AKAIN1: variants seen among roughly 807,000 people sequenced by gnomAD.
The protein encoded by AKAIN1 is A-kinase anchor protein inhibitor 1.
A neutral mutation model predicts 3.7 loss-of-function variants in AKAIN1; 3 were observed. The observed-to-expected ratio is 0.82, with a 90% CI of 0.37 to 2.12. The LOEUF is 2.12. AKAIN1 is among the 30% of genes most tolerant of loss of function. AKAIN1 has a pLI of 0.06. For missense variants in AKAIN1, 82 were observed against 82.7 expected, an observed-to-expected ratio of 0.99 and a Z score of 0.03; for synonymous variants, 31 against 30.8, an observed-to-expected ratio of 1.01 and a Z score of -0.02.
intron 1 of AKAIN1, chr18:5,163,757 A>T (rs893756365): frequency 6.6e-6 from 1 of 152,074 alleles, no homozygotes; most frequent in African/African-American, 2.4e-5. Flanking sequence ...AGTAAGAAAA[A>T]ATCAGAAGAT....
intron 1 of AKAIN1, among the ~76,000 whole-genome samples, chr18:5,168,908 G>T (rs528902234): frequency 3.4e-4 from 51 of 151,376 alleles, no homozygotes; most frequent in African/African-American, 1.2e-3. Flanking sequence ...CAACAAAAAG[G>T]GATGGGGGAG....
At chr18:5,182,538 C>A (rs983271179) in intron 1 of AKAIN1, among the ~76,000 whole-genome samples, 23 of 152,180 alleles carry the variant, frequency 1.5e-4, no homozygotes, top group African/African-American at 5.3e-4. Context: ...TGAACCCTGA[C>A]CTATGTGTCC....
intron 1 of AKAIN1, among the ~76,000 whole-genome samples, chr18:5,160,057 C>T (rs926987304): frequency 1.3e-5 from 2 of 152,144 alleles, no homozygotes; most frequent in African/African-American, 2.4e-5. Context: ...AATGATTCTA[C>T]CATTCTTGGC....
At chr18:5,155,365 A>T (rs1293030928) in intron 1 of AKAIN1, among the ~76,000 whole-genome samples, 2 of 152,130 alleles carry the variant, frequency 1.3e-5, no homozygotes. Flanking sequence ...AGAGGTATGA[A>T]TCTCAATTGC....
intron 1 of AKAIN1, among the ~76,000 whole-genome samples, chr18:5,158,292 T>C (rs565582978): frequency 5.3e-5 from 8 of 152,322 alleles, no homozygotes; most frequent in African/African-American, 1.9e-4. Flanking sequence ...GTTTTGCTGA[T>C]TCGCTGCAGT....
At chr18:5,148,725 C>T (rs747215523) in intron 1 of AKAIN1, among the ~76,000 whole-genome samples, 4 of 151,942 alleles carry the variant, frequency 2.6e-5, no homozygotes, top group African/African-American at 7.3e-5. Context: ...GGCGTGGTGG[C>T]GAGCACCTGT....
chr18:5,194,384 C>G (rs1485976904), intron 1 of AKAIN1, among the ~76,000 whole-genome samples: 1 of 152,096 alleles, frequency 6.6e-6, no homozygotes, highest in Non-Finnish European at 1.5e-5. Flanking sequence ...AATACCCTGT[C>G]CAATTTAAGC....
At chr18:5,187,122 TAAGTC>T (rs368187663) in intron 1 of AKAIN1, among the ~76,000 whole-genome samples, 68 of 152,090 alleles carry the variant, frequency 4.5e-4, no homozygotes, top group African/African-American at 1.6e-3. Context: ...AGTTTTGTCT[TAAGTC>T]AAGAAAAACA....
chr18:5,148,585 G>A (rs2071062388), intron 1 of AKAIN1, among the ~76,000 whole-genome samples: 6 of 152,230 alleles, frequency 3.9e-5, no homozygotes, highest in Admixed American at 3.9e-4. Flanking sequence ...GCCAGGTGCA[G>A]TGACTCACAG....
intron 1 of AKAIN1, among the ~76,000 whole-genome samples, chr18:5,189,993 G>A (rs372585347): frequency 1.0e-3 from 154 of 152,206 alleles, no homozygotes; most frequent in Non-Finnish European, 1.0e-3. Flanking sequence ...TGATTTATGC[G>A]GACAAGAAAT....
In AKAIN1 at chr18:5,144,531, A is replaced by G. The variant is rs538779594; in HGVS notation, c.*1031T>C. 6.6e-6 allele frequency among the ~76,000 whole-genome samples: 1 copy of G among 152,190 alleles called. No homozygotes were observed. The highest frequency in any genetic ancestry group is 2.4e-5 in the African/African-American group (1 of 41,444). On this transcript the variant is annotated 3_prime_UTR_variant, in exon 2 of 2. Coordinates refer to ENST00000434239, the MANE Select transcript of AKAIN1 (RefSeq NM_001145194.2). ...ATATCTCTGTCACTGCATTCAAAACACTGTCACTTTACTGTCCCCATTGTG... is the reference window on the plus strand; with the variant it reads ...ATATCTCTGTCACTGCATTCAAAACGCTGTCACTTTACTGTCCCCATTGTG...
At chr18:5,173,192 C>T (rs9959392) in intron 1 of AKAIN1, among the ~76,000 whole-genome samples, 78,948 of 151,984 alleles carry the variant, frequency 0.52, 20,780 homozygotes, top group African/African-American at 0.54. Context: ...TGCAAATTTC[C>T]TAGGGACTAA....
chr18:5,156,173 T>C (rs2071107030), intron 1 of AKAIN1, among the ~76,000 whole-genome samples: 1 of 152,094 alleles, frequency 6.6e-6, no homozygotes, highest in Non-Finnish European at 1.5e-5. Flanking sequence ...GGTGAGGACA[T>C]GCTCTCCCTT....
At chr18:5,180,759 C>T (rs541792684) in intron 1 of AKAIN1, among the ~76,000 whole-genome samples, 1 of 151,740 alleles carries the variant, frequency 6.6e-6, no homozygotes, top group East Asian at 1.9e-4. Context: ...TTTATTCCCC[C>T]CAAAATGCAA....
intron 1 of AKAIN1, among the ~76,000 whole-genome samples, chr18:5,153,817 T>C (rs2143316171): frequency 6.6e-6 from 1 of 152,198 alleles, no homozygotes; most frequent in South Asian, 2.1e-4. Flanking sequence ...GTTTGGGTAA[T>C]TATGATGTGT....
intron 1 of AKAIN1, chr18:5,163,700 A>C (rs1296042637): frequency 2.0e-5 from 3 of 152,070 alleles, no homozygotes; most frequent in African/African-American, 7.2e-5. Context: ...AATATATTTC[A>C]ATACTTAATT....
intron 1 of AKAIN1, among the ~76,000 whole-genome samples, chr18:5,181,615 T>C (rs771547203): frequency 8.5e-5 from 13 of 152,086 alleles, no homozygotes; most frequent in African/African-American, 1.2e-4. Flanking sequence ...ATGCTGAAGA[T>C]GATGATGTGG....
chr18:5,158,500 C>T (rs2071120939), intron 1 of AKAIN1, among the ~76,000 whole-genome samples: 1 of 152,232 alleles, frequency 6.6e-6, no homozygotes. Flanking sequence ...CATCTCCTAG[C>T]TTCTTGTTTT....
At chr18:5,182,550 C>T (rs1282420834) in intron 1 of AKAIN1, among the ~76,000 whole-genome samples, 1 of 152,068 alleles carries the variant, frequency 6.6e-6, no homozygotes, top group Non-Finnish European at 1.5e-5. Flanking sequence ...TATGTGTCCC[C>T]AAACCCAAGC....
Sources: allele counts gnomAD v4.1 joint callset (sites outside exome capture counted in the v4.1 genomes callset), GRCh38; gene constraint gnomAD v4.1.1; transcripts MANE v1.5; gene names NCBI Gene and HGNC (gene_info 2026-07-23, HGNC 2026-07-21).